The following CUX2 variants were observed in gnomAD, a reference collection of about 807,000 sequenced individuals.
CUX2 encodes homeobox protein cut-like 2.
CUX2 carries 40 observed loss-of-function variants against 144.8 expected under a neutral mutation model. That is an observed-to-expected ratio of 0.28 (90% CI 0.21 to 0.36). The LOEUF is 0.36. Ranked by LOEUF, CUX2 falls within the 10% of genes least tolerant of loss-of-function variation. The pLI is 1.00. For missense variants in CUX2, 1,615 were observed against 1,994.0 expected (o/e 0.81, Z 3.62); for synonymous variants, 827 against 875.6 (o/e 0.94, Z 0.98).
rs1879816362 is a variant in CUX2 at position 111,190,598 on chromosome 12, A to G, written c.64-23602A>G. The stretch of plus-strand genomic sequence containing the variant: ...TATGAGATGAGTTCATCTTTCCTGG[A>G]CATCCAGAGAGACGCCTGGCATTTT... On this transcript the variant is annotated intron_variant, in intron 1 of 21. Transcript: ENST00000261726. This position sits in a 1 kb window ranked among gnomAD's most constrained non-coding sequence, Gnocchi z 4.0. Among the ~76,000 whole-genome samples the G allele has an allele frequency of 1.3e-5, 2 of 152,136 alleles. No individual in the cohort carries two copies.
At chr12:111,174,154 G>A (rs988595817) in intron 1 of CUX2, among the ~76,000 whole-genome samples, 1 of 152,182 alleles carries the variant, frequency 6.6e-6, no homozygotes, top group Non-Finnish European at 1.5e-5. Context: ...TTTTAAGCAG[G>A]GAAGTATCAA....
intron 1 of CUX2, among the ~76,000 whole-genome samples, chr12:111,212,707 C>G (rs1043788507): frequency 6.6e-6 from 1 of 152,220 alleles, no homozygotes; most frequent in African/African-American, 2.4e-5. Flanking sequence ...TCATAATTTT[C>G]TAAAGAAGTT....
chr12:111,297,043 C>T (rs1886040328), intron 8 of CUX2, among the ~76,000 whole-genome samples: 1 of 150,242 alleles, frequency 6.7e-6, no homozygotes, highest in Admixed American at 6.6e-5. Context: ...CACGCCTCCT[C>T]CCTCTGACCC....
At chr12:111,319,915 A>C in intron 16 of CUX2, 97 bp from the exon 17 acceptor site, 94 of 1,388,548 alleles carry the variant, frequency 6.8e-5, no homozygotes, top group Non-Finnish European at 7.7e-5. Context: ...GGTTGCCTGG[A>C]CACCGTGCTG....
chr12:111,338,050 A>G (rs942093678), intron 19 of CUX2, among the ~76,000 whole-genome samples: 16 of 152,198 alleles, frequency 1.1e-4, no homozygotes, highest in African/African-American at 3.1e-4. Context: ...AGAAAAAAAA[A>G]AAAAGCTCTT....
rs555392691 is a variant in CUX2 at position 111,167,388 on chromosome 12, A to G, written c.64-46812A>G. 4.6e-5 allele frequency among the ~76,000 whole-genome samples: 7 copies of G among 152,084 alleles called. No individual in the cohort carries two copies. In the East Asian group the frequency reaches 1.2e-3, roughly 25 times the overall value. ...TGTAGCTTGTGCCCCTAAGTAGACC[A>G]TGGGCTTCTCGAGGGGGAGGGCCTG... is the stretch of plus-strand genomic sequence containing the variant. On this transcript the variant is annotated intron_variant, in intron 1 of 21. Coordinates refer to ENST00000261726, the MANE Select transcript of CUX2 (RefSeq NM_015267.4).
intron 3 of CUX2, among the ~76,000 whole-genome samples, chr12:111,252,101 G>A (rs768051135): frequency 3.3e-5 from 5 of 152,238 alleles, no homozygotes; most frequent in African/African-American, 7.2e-5. Flanking sequence ...CAGGAAGATC[G>A]CTTGAGCCCA....
Position 111,320,265 on chromosome 12 carries a change from G to A in CUX2, c.2256G>A (p.Gly752=), listed in dbSNP as rs752663360. The change falls in exon 17 of 22, where the codon GGG becomes GGA. Residue 752 remains glycine (G), a synonymous_variant. Coordinates refer to ENST00000261726, the MANE Select transcript of CUX2 (RefSeq NM_015267.4). The surrounding 1 kb of genome is among the most constrained non-coding windows in gnomAD (Gnocchi z 8.1). ...PALVKQEEGS[G]GPAQAPLPVL... ...TGGTGAAGCAGGAGGAGGGCAGCGG[G>A]GGCCCCGCGCAGGCGCCGCTCCCGG... 1.3e-6 allele frequency: 2 copies of A among 1,592,106 alleles called. No homozygotes were observed. The highest frequency in any genetic ancestry group is 8.5e-7 in the Non-Finnish European group (1 of 1,176,476).
chr12:111,100,146 G>A (rs754684262), intron 1 of CUX2: 6 of 441,218 alleles, frequency 1.4e-5, no homozygotes, highest in Admixed American at 2.5e-5. Flanking sequence ...CGAGGGTTGA[G>A]AGGACTTGGG....
intron 1 of CUX2, among the ~76,000 whole-genome samples, chr12:111,209,433 A>G (rs976461590): frequency 6.6e-6 from 1 of 152,206 alleles, no homozygotes; most frequent in African/African-American, 2.4e-5. Context: ...ACATTGAACT[A>G]TGGAACTTAA....
chr12:111,198,449 T>G (rs2136204635), intron 1 of CUX2, among the ~76,000 whole-genome samples: 1 of 147,572 alleles, frequency 6.8e-6, no homozygotes, highest in South Asian at 2.1e-4. Context: ...CACTCCAACC[T>G]GAGGTACAGA....
intron 1 of CUX2, among the ~76,000 whole-genome samples, chr12:111,099,273 A>G (rs1873039769): frequency 6.6e-6 from 1 of 152,206 alleles, no homozygotes; most frequent in Non-Finnish European, 1.5e-5. Context: ...CTTTGTGCAA[A>G]TCACTGTTCA....
intron 1 of CUX2, among the ~76,000 whole-genome samples, chr12:111,180,893 A>T (rs944249878): frequency 6.6e-6 from 1 of 152,234 alleles, no homozygotes; most frequent in Non-Finnish European, 1.5e-5. Context: ...CTCCTCCTTT[A>T]TGGGTGAGGG....
In CUX2 at chr12:111,214,184, TTTTTTA is replaced by T; in HGVS notation, c.64-13_64-8del. On this transcript the variant is annotated splice_polypyrimidine_tract_variant and intron_variant, in intron 1 of 21. Transcript: ENST00000261726. ...TTTTCTCTCTCTCTCTTTTTTTTTTTTTTTTATTGTTCCAGAAGGAGCTTAATTCCG... is the reference window on the plus strand; with the variant it reads ...TTTTCTCTCTCTCTCTTTTTTTTTTTTTGTTCCAGAAGGAGCTTAATTCCG... 1 of 1,430,990 alleles carries T rather than the reference TTTTTTA, an allele frequency of 7.0e-7. No homozygotes were observed. Among genetic ancestry groups the T allele is most frequent in the Non-Finnish European group, 9.4e-7 (1 of 1,060,078 alleles). The allele number at this position is 1,430,990 out of a possible 1,614,324, so 88.6% of individuals were successfully genotyped here.
At chr12:111,141,403 G>A (rs1876308281) in intron 1 of CUX2, among the ~76,000 whole-genome samples, 2 of 152,068 alleles carry the variant, frequency 1.3e-5, no homozygotes, top group South Asian at 4.2e-4. Flanking sequence ...CTGTAAAATG[G>A]GCACAGTGCT....
chr12:111,041,422 A>C (rs971124112), intron 1 of CUX2, among the ~76,000 whole-genome samples: 3 of 151,792 alleles, frequency 2.0e-5, no homozygotes, highest in Non-Finnish European at 2.9e-5. Flanking sequence ...CTTCTCTCTT[A>C]CTCCTTTGGG....
chr12:111,183,292 G>T (rs1456952464), intron 1 of CUX2, among the ~76,000 whole-genome samples: 1 of 152,258 alleles, frequency 6.6e-6, no homozygotes, highest in East Asian at 1.9e-4. Context: ...TGTCCCTCAG[G>T]CAGGCCTGGC....
At chr12:111,302,837 T>G (rs1159948380) in intron 9 of CUX2, among the ~76,000 whole-genome samples, 1 of 146,536 alleles carries the variant, frequency 6.8e-6, no homozygotes, top group Non-Finnish European at 1.5e-5. Flanking sequence ...GAGGTGGAGG[T>G]TGCAGTGAGC....
chr12:111,270,637 T>C (rs1258026045), intron 4 of CUX2: 1 of 132,958 alleles, frequency 7.5e-6, no homozygotes, highest in Non-Finnish European at 1.6e-5. Context: ...AGTGATTAGT[T>C]AAAAGGAAAA....
Sources: gnomAD v4.1 joint callset for allele counts (sites outside exome capture counted in the v4.1 genomes callset) on GRCh38, gnomAD v4.1.1 for gene constraint, Gnocchi (gnomAD v3.1) non-coding constraint, MANE v1.5 for transcripts, NCBI Gene and HGNC (gene_info 2026-07-23, HGNC 2026-07-21) for gene names.